EAPP: variants seen among roughly 807,000 people sequenced by gnomAD.
EAPP encodes the protein E2F-associated phosphoprotein.
EAPP carries 38 observed loss-of-function variants against 34.3 expected under a neutral mutation model. That is an observed-to-expected ratio of 1.11 (90% CI 0.85 to 1.45). The LOEUF (loss-of-function observed/expected upper bound fraction) is 1.45. Among genes scored for constraint, EAPP ranks in the 40% most tolerant of loss-of-function variants. The probability of loss-of-function intolerance (pLI) is 0.00; values close to 1 mark genes in which losing one functional copy is unlikely to be tolerated. For synonymous variants in EAPP, 113 were observed against 117.6 expected (o/e 0.96, Z 0.25); for missense variants, 338 against 343.7 (o/e 0.98, Z 0.13).
At chr14:34,538,096 G>A (rs1431942064) in intron 1 of EAPP, among the ~76,000 whole-genome samples, 1 of 152,180 alleles carries the variant, frequency 6.6e-6, no homozygotes, top group African/African-American at 2.4e-5. Context: ...TGATACAACA[G>A]TCCTGGCTCC....
intron 2 of EAPP, among the ~76,000 whole-genome samples, chr14:34,534,999 C>T (rs1880420675): frequency 6.6e-6 from 1 of 151,946 alleles, no homozygotes; most frequent in Non-Finnish European, 1.5e-5. Context: ...CCACCAAGCC[C>T]AGCTAATTTT....
chr14:34,532,674 CTTT>C (rs1382526657), intron 3 of EAPP, among the ~76,000 whole-genome samples: 3 of 136,052 alleles, frequency 2.2e-5, no homozygotes, highest in African/African-American at 2.7e-5. Context: ...GTGTCCCCAG[CTTT>C]TTTTTTTTTT....
intron 1 of EAPP, 33 bp from the exon 2 acceptor site, chr14:34,536,308 T>A: frequency 6.7e-7 from 1 of 1,498,944 alleles, no homozygotes; most frequent in East Asian, 2.5e-5. Flanking sequence ...AGAATATGAA[T>A]ATTTAAAAAT....
At chr14:34,524,657 A>ATGTGGGTGTGTG in intron 5 of EAPP, 40 bp downstream of exon 5, 1 of 853,968 alleles carries the variant, frequency 1.2e-6, no homozygotes, top group Non-Finnish European at 1.9e-6. Context: ...CAAAATATGT[A>ATGTGGGTGTGTG]TGTGTGTGTG....
Position 34,539,646 on chromosome 14 carries a change from T to C in EAPP, c.-18A>G. On this transcript the variant is annotated 5_prime_UTR_variant, in exon 1 of 6. Coordinates refer to ENST00000250454, the MANE Select transcript of EAPP (RefSeq NM_018453.4). ...CGGTTCATGGTGGCCTGCAGCGGCC[T>C]ACACCGTCCACAAGCAATTTGCAGC... The C allele has an allele frequency of 6.5e-7, 1 of 1,534,082 alleles. No individual in the cohort carries two copies. The highest frequency in any genetic ancestry group is 8.8e-7 in the Non-Finnish European group (1 of 1,141,992).
chr14:34,524,721 G>A lies in EAPP; in HGVS notation c.557C>T (p.Thr186Ile). Reference sequence around the variant, plus strand: ...CCTTTGGCAATCAAGGCAAAGTGTGGTCATGCAGGCAGGACAATTCAAGAC... The same window carrying A: ...CCTTTGGCAATCAAGGCAAAGTGTGATCATGCAGGCAGGACAATTCAAGAC... The part of the protein sequence containing the change: ...DAVLNCPACM[T>I]TLCLDCQRHE... The change falls in exon 5 of 6, where the codon ACC (threonine) becomes ATC (isoleucine). Residue 186 changes from threonine (T) to isoleucine (I), a missense_variant. Transcript: ENST00000250454. 6.2e-7 allele frequency: 1 copy of A among 1,609,138 alleles called. No homozygotes were observed. The highest frequency in any genetic ancestry group is 8.5e-7 in the Non-Finnish European group (1 of 1,177,854).
intron 1 of EAPP, chr14:34,536,582 G>C (rs953876069): frequency 5.3e-6 from 1 of 188,178 alleles, no homozygotes; most frequent in Non-Finnish European, 1.1e-5. Context: ...CTCCCACCTC[G>C]GGTTCCCCAG....
At chr14:34,532,283 C>A (rs1880321721) in intron 3 of EAPP, among the ~76,000 whole-genome samples, 2 of 151,538 alleles carry the variant, frequency 1.3e-5, no homozygotes, top group Non-Finnish European at 2.9e-5. Flanking sequence ...CATGGTGAAA[C>A]CCCGTTTCTC....
At chr14:34,527,040 C>T (rs1284028795) in intron 4 of EAPP, among the ~76,000 whole-genome samples, 1 of 151,664 alleles carries the variant, frequency 6.6e-6, no homozygotes, top group African/African-American at 2.4e-5. Flanking sequence ...TGCAGTGGCA[C>T]ATGCCTGTAA....
chr14:34,530,258 G>A (rs1594666616), intron 3 of EAPP, among the ~76,000 whole-genome samples: 1 of 151,972 alleles, frequency 6.6e-6, no homozygotes, highest in Admixed American at 6.6e-5. Flanking sequence ...CAGGTAGGGT[G>A]CGGTAGCTCA....
At chr14:34,522,459 G>C (rs926098610) in intron 5 of EAPP, among the ~76,000 whole-genome samples, 1 of 152,048 alleles carries the variant, frequency 6.6e-6, no homozygotes, top group African/African-American at 2.4e-5. Flanking sequence ...AAGAGGTCAT[G>C]GTTCCATTTG....
intron 3 of EAPP, among the ~76,000 whole-genome samples, chr14:34,532,828 C>T (rs1212927666): frequency 1.3e-5 from 2 of 151,900 alleles, no homozygotes; most frequent in Non-Finnish European, 2.9e-5. Flanking sequence ...GTGCATGGCA[C>T]CAAGCCTGGC....
intron 3 of EAPP, among the ~76,000 whole-genome samples, chr14:34,530,287 C>T (rs1235220497): frequency 4.6e-5 from 7 of 152,194 alleles, no homozygotes; most frequent in African/African-American, 1.7e-4. Context: ...AATCCTAGAG[C>T]TTTGAGGGGC....
rs76111127 is a variant in EAPP, at chr14:34,527,577, G to C, written c.470+1781C>G. 1.9e-3 allele frequency among the ~76,000 whole-genome samples: 285 copies of C among 152,260 alleles called. 8 individuals are homozygous for C. The East Asian group carries it at 0.051, about 27-fold the overall frequency. On this transcript the variant is annotated intron_variant, in intron 4 of 5. Coordinates refer to ENST00000250454, the MANE Select transcript of EAPP (RefSeq NM_018453.4). ...AACATCCATCCCTCAGTGGATGAAA[G>C]GATAAACAAATTGTGGTATACACAT...
chr14:34,524,718 G>A lies in EAPP; in HGVS notation c.560C>T (p.Thr187Ile). ...AVLNCPACMTTLCLDCQRHES... is the reference protein window; with the variant it reads ...AVLNCPACMTILCLDCQRHES... ...TTACCTTTGGCAATCAAGGCAAAGT[G>A]TGGTCATGCAGGCAGGACAATTCAA... Residue 187 changes from threonine (T) to isoleucine (I), a missense_variant, in exon 5 of 6, where the codon ACA (threonine) becomes ATA (isoleucine). Physicochemically the swap from Thr to Ile is moderately conservative, Grantham distance 89. Transcript: ENST00000250454. 1 of 1,606,414 alleles carries A rather than the reference G, an allele frequency of 6.2e-7. No homozygotes were observed. The highest frequency in any genetic ancestry group is 8.5e-7 in the Non-Finnish European group (1 of 1,175,862).
intron 5 of EAPP, among the ~76,000 whole-genome samples, chr14:34,517,759 CTTTTA>C (rs953082839): frequency 1.3e-5 from 2 of 151,406 alleles, no homozygotes; most frequent in Non-Finnish European, 2.9e-5. Flanking sequence ...TATTTCTTTC[CTTTTA>C]TTTTATTTAA....
chr14:34,529,424 T>C lies in EAPP; in HGVS notation c.404A>G (p.Asp135Gly), dbSNP rs1880205857. 9.9e-6 allele frequency: 16 copies of C among 1,613,560 alleles called. No homozygotes were observed. In the East Asian group the frequency reaches 3.6e-4, roughly 36 times the overall value. Residue 135 changes from aspartate (D) to glycine (G), a missense_variant, in exon 4 of 6, where the codon GAC becomes GGC. Transcript: ENST00000250454. ...KKKQHKIPTN[D>G]ELLYDPEKDN... ...TTTTTCAGGATCATACAGTAATTCG[T>C]CATTTGTTGGAATCTTGTGTTGTTT...
Position 34,536,113 on chromosome 14 carries a change from C to T in EAPP, c.237G>A (p.Lys79=). The T allele has an allele frequency of 6.2e-7, 1 of 1,610,394 alleles. No individual in the cohort carries two copies. The highest frequency in any genetic ancestry group is 8.5e-7 in the Non-Finnish European group (1 of 1,178,920). The change falls in exon 2 of 6, where the codon AAG becomes AAA. Residue 79 remains lysine, a synonymous_variant. Transcript: ENST00000250454. ...GTTTACCAGTTCCCAGAGAGGATAA[C>T]TTGTCCTCCATTGTTTTCATGGTAG... is the stretch of plus-strand genomic sequence containing the variant. ...LNSTMKTMED[K]LSSLGTGSSS... is the part of the protein sequence containing the mutation.
intron 4 of EAPP, among the ~76,000 whole-genome samples, chr14:34,528,245 A>C (rs1880158185): frequency 6.6e-6 from 1 of 151,910 alleles, no homozygotes; most frequent in Non-Finnish European, 1.5e-5. Context: ...CATGTTGGCC[A>C]GGCTGGTCTT....
Sources: allele counts gnomAD v4.1 joint callset (sites outside exome capture counted in the v4.1 genomes callset), GRCh38; gene constraint gnomAD v4.1.1; transcripts MANE v1.5; gene names NCBI Gene and HGNC (gene_info 2026-07-23, HGNC 2026-07-21).